The following SLC10A7 variants were observed in gnomAD, a reference collection of about 807,000 sequenced individuals.
The protein encoded by SLC10A7 is sodium/bile acid cotransporter 7.
A neutral mutation model predicts 43.2 loss-of-function variants in SLC10A7; 29 were observed. That is an observed-to-expected ratio of 0.67 (90% CI 0.50 to 0.92). The LOEUF (loss-of-function observed/expected upper bound fraction) is 0.92. Among genes scored for constraint, SLC10A7 ranks in the 40% least tolerant of loss-of-function variants. The probability of loss-of-function intolerance (pLI) is 0.00; values close to 1 mark genes in which losing one functional copy is unlikely to be tolerated. For synonymous variants in SLC10A7, 152 were observed against 144.8 expected (o/e 1.05, Z -0.35); for missense variants, 295 against 403.2 (o/e 0.73, Z 2.30).
At chr4:146,271,722 AC>A (rs1260448404) in intron 10 of SLC10A7, among the ~76,000 whole-genome samples, 7 of 152,102 alleles carry the variant, frequency 4.6e-5, no homozygotes, top group Admixed American at 6.5e-5. Flanking sequence ...CTCTCCCATT[AC>A]CATTCCCCGG....
In SLC10A7 at chr4:146,408,146, G is replaced by A. The variant is rs111330736; in HGVS notation, c.435+34637C>T. Among the ~76,000 whole-genome samples the A allele has an allele frequency of 6.9e-3, 1,052 of 152,232 alleles. 6 individuals are homozygous for A. Among genetic ancestry groups the A allele is most frequent in the Middle Eastern group, 0.034 (10 of 294 alleles). On this transcript the variant is annotated intron_variant, in intron 5 of 11. Transcript: ENST00000335472. The stretch of plus-strand genomic sequence containing the variant: ...ATAAAAGGACAGAAATAACAGGATA[G>A]CATATCAGCGGTGCCTTTTCCCTTT...
chr4:146,326,931 C>T lies in SLC10A7; in HGVS notation c.436-935G>A, dbSNP rs1361047612. 9.7e-4 allele frequency among the ~76,000 whole-genome samples: 90 copies of T among 92,526 alleles called. 1 individual carries two copies. The East Asian group carries it at 0.021, about 22-fold the overall frequency. 60.7% of individuals were successfully genotyped at this position (92,526 alleles called of 152,430 possible). On this transcript the variant is annotated intron_variant, in intron 5 of 11. Coordinates refer to ENST00000335472, the MANE Select transcript of SLC10A7 (RefSeq NM_001029998.6). The stretch of plus-strand genomic sequence containing the variant: ...AGAGAGGGACAGACACACACACACA[C>T]ACACACACACACACACACACACACA...
chr4:146,271,805 G>A (rs934109534), intron 10 of SLC10A7, among the ~76,000 whole-genome samples: 3 of 152,116 alleles, frequency 2.0e-5, no homozygotes, highest in Non-Finnish European at 4.4e-5. Flanking sequence ...CAAGCGCACT[G>A]CTGCCTCAGG....
Position 146,294,120 on chromosome 4 carries a change from G to C in SLC10A7, c.556-25C>G, listed in dbSNP as rs190063216. 124 of 1,527,038 alleles carry C rather than the reference G, an allele frequency of 8.1e-5. 1 individual carries two copies. In the Admixed American group the frequency reaches 2.2e-3, roughly 27 times the overall value. The allele number at this position is 1,527,038 out of a possible 1,614,324, so 94.6% of individuals were successfully genotyped here. A position where few individuals can be genotyped will look rare whatever the true frequency, so the allele number is the denominator to read the frequency against. ...TCTGAAATACAGAGATCAACAGGTTGCCTCTTTTCAGAGATGGAGGGAGTT... is the reference window on the plus strand; with the variant it reads ...TCTGAAATACAGAGATCAACAGGTTCCCTCTTTTCAGAGATGGAGGGAGTT... On this transcript the variant is annotated intron_variant, in intron 7 of 11. Coordinates refer to ENST00000335472, the MANE Select transcript of SLC10A7 (RefSeq NM_001029998.6).
chr4:146,433,872 T>C (rs1282659558), intron 5 of SLC10A7, among the ~76,000 whole-genome samples: 3 of 151,992 alleles, frequency 2.0e-5, no homozygotes, highest in African/African-American at 7.2e-5. Context: ...AGATGATAAA[T>C]TGGTTCAACA....
chr4:146,259,168 G>A (rs1236257847), intron 10 of SLC10A7, among the ~76,000 whole-genome samples: 1 of 152,192 alleles, frequency 6.6e-6, no homozygotes, highest in African/African-American at 2.4e-5. Flanking sequence ...AAATATTGGT[G>A]AGGGAGATGC....
intron 10 of SLC10A7, among the ~76,000 whole-genome samples, chr4:146,276,950 T>TAA (rs113290704): frequency 2.8e-5 from 4 of 144,692 alleles, no homozygotes; most frequent in Non-Finnish European, 4.6e-5. Flanking sequence ...AGACTCCATC[T>TAA]AAAAAAAAAA....
Position 146,521,771 on chromosome 4 carries a change from G to T in SLC10A7, c.-54C>A, listed in dbSNP as rs564682325. 118 of 1,425,114 alleles carry T rather than the reference G, an allele frequency of 8.3e-5. 1 individual carries two copies. In the South Asian group the frequency reaches 1.3e-3, roughly 16 times the overall value. The allele number at this position is 1,425,114 out of a possible 1,614,324, so 88.3% of individuals were successfully genotyped here. On this transcript the variant is annotated 5_prime_UTR_variant, in exon 1 of 12. Transcript: ENST00000335472. ...TTTGTTTGGCTTTTTTTCTTTTCAA[G>T]CTCCGATCACCTAATCCTTGGAGCG...
At chr4:146,506,983 T>G (rs1260426473) in intron 3 of SLC10A7, among the ~76,000 whole-genome samples, 2 of 152,306 alleles carry the variant, frequency 1.3e-5, no homozygotes, top group South Asian at 2.1e-4. Flanking sequence ...TTATAAAAAT[T>G]TATGGCATAC....
At chr4:146,314,397 T>C (rs1425009664) in intron 6 of SLC10A7, among the ~76,000 whole-genome samples, 2 of 152,164 alleles carry the variant, frequency 1.3e-5, no homozygotes, top group Non-Finnish European at 2.9e-5. Context: ...TATGTATATA[T>C]TCTGTGTACA....
At chr4:146,354,056 G>A (rs1296667839) in intron 5 of SLC10A7, among the ~76,000 whole-genome samples, 2 of 145,874 alleles carry the variant, frequency 1.4e-5, no homozygotes, top group Non-Finnish European at 3.0e-5. Context: ...GGCAGGAGAA[G>A]GAAATAAAGG....
At chr4:146,504,424 C>T (rs181609355) in intron 3 of SLC10A7, among the ~76,000 whole-genome samples, 3 of 146,780 alleles carry the variant, frequency 2.0e-5, no homozygotes, top group African/African-American at 7.6e-5. Flanking sequence ...GAGGTTGAGG[C>T]AGGAGAATGG....
At chr4:146,325,066 C>A (rs1420202501) in intron 6 of SLC10A7, among the ~76,000 whole-genome samples, 1 of 152,146 alleles carries the variant, frequency 6.6e-6, no homozygotes, top group Non-Finnish European at 1.5e-5. Flanking sequence ...TAATTGAATT[C>A]CAACTTGGGT....
intron 10 of SLC10A7, among the ~76,000 whole-genome samples, chr4:146,262,021 CA>C (rs971508657): frequency 6.6e-6 from 1 of 152,342 alleles, no homozygotes; most frequent in African/African-American, 2.4e-5. Context: ...TAACTTCCAC[CA>C]AAAGCATTTC....
At position 146,352,136 on chromosome 4, in the gene SLC10A7, A is replaced by C. The variant is rs1325933633; in HGVS notation, c.436-26140T>G. On this transcript the variant is annotated intron_variant, in intron 5 of 11. Transcript: ENST00000335472. Reference sequence around the variant, plus strand: ...ACCCATCAGTGTGCTGTATTCAGGAAACCCATCTCACGTGCAGAGACACAC... The same window carrying C: ...ACCCATCAGTGTGCTGTATTCAGGACACCCATCTCACGTGCAGAGACACAC... Among the ~76,000 whole-genome samples the C allele has an allele frequency of 1.6e-4, 17 of 107,544 alleles. No homozygotes were observed. The South Asian group carries it at 5.2e-3, about 33-fold the overall frequency. 70.6% of individuals were successfully genotyped at this position (107,544 alleles called of 152,430 possible).
chr4:146,461,496 G>A (rs953755626), intron 4 of SLC10A7, among the ~76,000 whole-genome samples: 4 of 151,956 alleles, frequency 2.6e-5, no homozygotes, highest in African/African-American at 9.7e-5. Flanking sequence ...AACTTAGGTT[G>A]TACAAGGAAA....
At chr4:146,520,953 G>A (rs1401516698) in intron 1 of SLC10A7, among the ~76,000 whole-genome samples, 3 of 151,916 alleles carry the variant, frequency 2.0e-5, no homozygotes, top group Admixed American at 2.0e-4. Context: ...ACATTTCCTT[G>A]CCAAAACACA....
At chr4:146,470,618 C>T (rs1317985352) in intron 4 of SLC10A7, among the ~76,000 whole-genome samples, 1 of 152,124 alleles carries the variant, frequency 6.6e-6, no homozygotes, top group Non-Finnish European at 1.5e-5. Flanking sequence ...GTACTTACCT[C>T]AAACTTGAAC....
At chr4:146,446,380 C>A (rs1484716055) in intron 4 of SLC10A7, among the ~76,000 whole-genome samples, 1 of 152,002 alleles carries the variant, frequency 6.6e-6, no homozygotes, top group Non-Finnish European at 1.5e-5. Flanking sequence ...AGTTTGAAAC[C>A]AGCCTGGCCA....
Sources: allele counts gnomAD v4.1 joint callset (sites outside exome capture counted in the v4.1 genomes callset), GRCh38; gene constraint gnomAD v4.1.1; transcripts MANE v1.5; gene names NCBI Gene and HGNC (gene_info 2026-07-23, HGNC 2026-07-21).